LPP: variants seen among roughly 807,000 people sequenced by gnomAD.
LPP encodes LIM domain containing preferred translocation partner in lipoma.
Under a neutral mutation model 60.4 loss-of-function variants are expected in LPP, and 38 were observed. The observed-to-expected ratio is 0.63, with a 90% CI of 0.49 to 0.83. The LOEUF is 0.83. Ranked by LOEUF, LPP falls within the 40% of genes least tolerant of loss-of-function variation. The pLI, the probability that LPP is intolerant of heterozygous loss-of-function variation, is 0.00. For synonymous variants in LPP, 328 were observed against 290.8 expected (o/e 1.13, Z -1.30); for missense variants, 902 against 783.6 (o/e 1.15, Z -1.80).
intron 8 of LPP, among the ~76,000 whole-genome samples, chr3:188,739,896 A>C (rs1371643078): frequency 6.6e-6 from 1 of 152,078 alleles, no homozygotes; most frequent in East Asian, 1.9e-4. Flanking sequence ...ATAATCTCTG[A>C]AAGTTACTTC....
chr3:188,781,553 T>G (rs898620099), intron 9 of LPP, among the ~76,000 whole-genome samples: 10 of 151,688 alleles, frequency 6.6e-5, no homozygotes, highest in Non-Finnish European at 1.3e-4. Flanking sequence ...GGAGAGAGAA[T>G]GAGAGACAAG....
At chr3:188,153,737 C>T (rs1715165295), upstream of LPP, 1 of 152,350 alleles carries the variant, frequency 6.6e-6, no homozygotes, top group South Asian at 2.1e-4. Flanking sequence ...TGCGCGGCGG[C>T]TTCGCGGGCA....
intron 1 of LPP, among the ~76,000 whole-genome samples, chr3:188,187,111 A>C (rs1188240801): frequency 2.6e-5 from 4 of 152,056 alleles, no homozygotes; most frequent in Non-Finnish European, 5.9e-5. Flanking sequence ...TACCTTTTGC[A>C]TCTCGAGGGT....
At chr3:188,521,711 C>G (rs1172327517) in intron 5 of LPP, among the ~76,000 whole-genome samples, 5 of 152,132 alleles carry the variant, frequency 3.3e-5, no homozygotes, top group Non-Finnish European at 7.3e-5. Flanking sequence ...ATTTTCTTAT[C>G]TAAATCTTAT....
intron 7 of LPP, among the ~76,000 whole-genome samples, chr3:188,645,693 T>C (rs1850985292): frequency 6.6e-6 from 1 of 152,110 alleles, no homozygotes; most frequent in Non-Finnish European, 1.5e-5. Context: ...CTTCTTTTCT[T>C]GTTCATAGGA....
intron 7 of LPP, among the ~76,000 whole-genome samples, chr3:188,658,543 A>G (rs1466815110): frequency 6.6e-6 from 1 of 152,018 alleles, no homozygotes; most frequent in East Asian, 1.9e-4. Flanking sequence ...CACGAAAGAC[A>G]CTCTTGGCTG....
chr3:188,304,890 A>T (rs1227054462), intron 2 of LPP, among the ~76,000 whole-genome samples: 8 of 152,184 alleles, frequency 5.3e-5, no homozygotes, highest in Non-Finnish European at 5.9e-5. Flanking sequence ...GTTAAATGTC[A>T]GTTGCTTCAA....
chr3:188,859,037 CG>C (rs1764527414), intron 9 of LPP, among the ~76,000 whole-genome samples: 1 of 144,352 alleles, frequency 6.9e-6, no homozygotes, highest in Admixed American at 7.3e-5. Context: ...TGCAGTGAGC[CG>C]AGATCGCGCC....
At chr3:188,307,863 C>T (rs909010002) in intron 2 of LPP, among the ~76,000 whole-genome samples, 5 of 152,128 alleles carry the variant, frequency 3.3e-5, no homozygotes, top group Admixed American at 1.3e-4. Flanking sequence ...TGTTTCTATA[C>T]GTATTGAATG....
Position 188,568,393 on chromosome 3 carries a change from T to A in LPP, c.430-40768T>A, listed in dbSNP as rs560210703. Reference sequence around the variant, plus strand: ...TACTTACCCTTCAATCCACTGACTCTGGTTTTAAAGGAGATGATTAATACA... The same window carrying A: ...TACTTACCCTTCAATCCACTGACTCAGGTTTTAAAGGAGATGATTAATACA... On this transcript the variant is annotated intron_variant, in intron 6 of 11. Transcript: ENST00000617246. The A allele has an allele frequency of 2.0e-5, 3 of 152,120 alleles. No individual in the cohort carries two copies. The South Asian group carries it at 6.2e-4, about 32-fold the overall frequency. 9.4% of individuals were successfully genotyped at this position (152,120 alleles called of 1,614,324 possible).
chr3:188,330,895 G>A (rs1019877973), intron 2 of LPP, among the ~76,000 whole-genome samples: 1 of 151,504 alleles, frequency 6.6e-6, no homozygotes, highest in African/African-American at 2.4e-5. Flanking sequence ...AAATAAATAC[G>A]TAAGAATCCT....
intron 7 of LPP, among the ~76,000 whole-genome samples, chr3:188,704,698 C>T (rs1412352790): frequency 2.0e-5 from 3 of 152,176 alleles, no homozygotes; most frequent in African/African-American, 4.8e-5. Context: ...ATATATTCCC[C>T]GTGGTCTGTG....
intron 9 of LPP, among the ~76,000 whole-genome samples, chr3:188,849,699 T>G (rs977569831): frequency 2.0e-5 from 3 of 152,324 alleles, no homozygotes; most frequent in South Asian, 4.1e-4. Context: ...TTTGATTTTG[T>G]TTTTTCCTCT....
chr3:188,407,606 C>G (rs1783820674), intron 4 of LPP, among the ~76,000 whole-genome samples: 1 of 152,050 alleles, frequency 6.6e-6, no homozygotes, highest in Non-Finnish European at 1.5e-5. Context: ...GTTTTATTGC[C>G]TTAGAAAGAG....
chr3:188,272,246 A>G (rs1738000554), intron 2 of LPP, among the ~76,000 whole-genome samples: 1 of 152,208 alleles, frequency 6.6e-6, no homozygotes, highest in African/African-American at 2.4e-5. Context: ...AGCTCTTAAA[A>G]GCATGAATTT....
At chr3:188,624,835 T>G (rs1846525167) in intron 7 of LPP, among the ~76,000 whole-genome samples, 1 of 132,188 alleles carries the variant, frequency 7.6e-6, no homozygotes, top group Admixed American at 8.1e-5. Context: ...TTCTTTGGTG[T>G]GCTGAGAATA....
intron 7 of LPP, among the ~76,000 whole-genome samples, chr3:188,676,792 A>G (rs1453577128): frequency 1.3e-5 from 2 of 152,110 alleles, no homozygotes; most frequent in Admixed American, 1.3e-4. Context: ...TTGCCTCCCA[A>G]TGAGTGTGGG....
intron 3 of LPP, among the ~76,000 whole-genome samples, chr3:188,384,986 C>CT (rs1295713648): frequency 6.6e-6 from 1 of 151,524 alleles, no homozygotes; most frequent in Non-Finnish European, 1.5e-5. Flanking sequence ...AGTACCCAGC[C>CT]TTTCTTGTCA....
intron 4 of LPP, among the ~76,000 whole-genome samples, chr3:188,428,087 A>G (rs112759337): frequency 2.0e-5 from 3 of 152,288 alleles, no homozygotes; most frequent in African/African-American, 7.2e-5. Context: ...TGCAAAGACC[A>G]TGGGAAAAGG....
Sources: allele counts gnomAD v4.1 joint callset (sites outside exome capture counted in the v4.1 genomes callset), GRCh38; gene constraint gnomAD v4.1.1; transcripts MANE v1.5; gene names NCBI Gene and HGNC (gene_info 2026-07-23, HGNC 2026-07-21).